FHIP1A: variants seen among roughly 807,000 people sequenced by gnomAD.
FHIP1A encodes the protein FHF complex subunit HOOK-interacting protein 1A.
FHIP1A carries 61 observed loss-of-function variants against 88.6 expected under a neutral mutation model. The ratio of observed to expected loss-of-function variants is 0.69; its 90% CI spans 0.56 to 0.85. The LOEUF (loss-of-function observed/expected upper bound fraction) is 0.85. Ranked by LOEUF, FHIP1A falls within the 40% of genes least tolerant of loss-of-function variation. FHIP1A has a pLI of 0.00. For missense variants in FHIP1A, 1,154 were observed against 1,273.5 expected (o/e 0.91, Z 1.43); for synonymous variants, 478 against 496.0 (o/e 0.96, Z 0.48).
intron 3 of FHIP1A, among the ~76,000 whole-genome samples, chr4:151,562,540 C>G (rs1302349763): frequency 6.6e-6 from 1 of 152,122 alleles, no homozygotes; most frequent in African/African-American, 2.4e-5. Context: ...TAAAAATGTT[C>G]CTCTGGCTCC....
chr4:151,577,045 T>TA (rs1733817004), intron 4 of FHIP1A: 1 of 158,208 alleles, frequency 6.3e-6, no homozygotes, highest in Admixed American at 6.5e-5. Context: ...TTTTTTTACA[T>TA]ACGTCTTTGA....
At chr4:151,523,542 G>C (rs1731520940) in intron 3 of FHIP1A, among the ~76,000 whole-genome samples, 1 of 152,096 alleles carries the variant, frequency 6.6e-6, no homozygotes, top group African/African-American at 2.4e-5. Flanking sequence ...GTTTTTAAAG[G>C]TAGGGGCTAT....
At position 151,598,437 on chromosome 4, in the gene FHIP1A, T is replaced by G. The variant is rs191339930; in HGVS notation, c.978+9511T>G. ...TGCAGAAATCACCCACCTTCTGCAT[T>G]GATCTTGCTGGGTGCTGCAGACTGG... On this transcript the variant is annotated intron_variant, in intron 7 of 13. Transcript: ENST00000435205. 1.1e-3 allele frequency among the ~76,000 whole-genome samples: 165 copies of G among 152,278 alleles called. 1 individual carries two copies. The highest frequency in any genetic ancestry group is 6.8e-3 in the Middle Eastern group (2 of 294).
intron 3 of FHIP1A, among the ~76,000 whole-genome samples, chr4:151,551,838 T>A (rs1034720434): frequency 6.6e-6 from 1 of 151,956 alleles, no homozygotes; most frequent in Non-Finnish European, 1.5e-5. Context: ...ACAAATGGGA[T>A]CTAATTAAAC....
At chr4:151,429,742 A>C (rs1179492024) in intron 1 of FHIP1A, among the ~76,000 whole-genome samples, 1 of 151,306 alleles carries the variant, frequency 6.6e-6, no homozygotes, top group Non-Finnish European at 1.5e-5. Flanking sequence ...CCAGCAGTTC[A>C]GGAGTCTGAG....
At chr4:151,659,743 C>T (rs1360463341) in intron 13 of FHIP1A, among the ~76,000 whole-genome samples, 3 of 152,222 alleles carry the variant, frequency 2.0e-5, no homozygotes, top group African/African-American at 7.2e-5. Flanking sequence ...AGAGCTGCTC[C>T]ATTATGCAGG....
rs1728912641 is a variant in FHIP1A, at chr4:151,454,787, G to A, written c.-269G>A. 6.6e-6 allele frequency: 1 copy of A among 152,082 alleles called. No homozygotes were observed. Among genetic ancestry groups the A allele is most frequent in the South Asian group, 2.1e-4 (1 of 4,822 alleles). 9.4% of individuals were successfully genotyped at this position (152,082 alleles called of 1,614,324 possible). On this transcript the variant is annotated 5_prime_UTR_variant, in exon 2 of 14. Transcript: ENST00000435205. ...AATGTTTCGTTATAACTGCCTGGAA[G>A]GTTAGCGTCAAAGAAGTTGAGGTAG... is the stretch of plus-strand genomic sequence containing the variant.
chr4:151,548,428 A>T (rs899646338), intron 3 of FHIP1A, among the ~76,000 whole-genome samples: 2 of 152,224 alleles, frequency 1.3e-5, no homozygotes, highest in Admixed American at 6.5e-5. Context: ...TCTAAGTCAC[A>T]GGATAAGATA....
intron 3 of FHIP1A, among the ~76,000 whole-genome samples, chr4:151,493,861 A>G (rs748566551): frequency 6.6e-6 from 1 of 152,226 alleles, no homozygotes; most frequent in Non-Finnish European, 1.5e-5. Flanking sequence ...ACCCACAGCC[A>G]ACATTATACT....
Position 151,650,266 on chromosome 4 carries a change from C to T in FHIP1A, c.2225C>T (p.Thr742Ile), listed in dbSNP as rs1453590172. The T allele has an allele frequency of 6.4e-7, 1 of 1,551,740 alleles. No individual in the cohort carries two copies. The highest frequency in any genetic ancestry group is 8.7e-7 in the Non-Finnish European group (1 of 1,147,000). The change falls in exon 11 of 14, where the codon ACA becomes ATA. Residue 742 changes from threonine to isoleucine, a missense_variant. Physicochemically the swap from Thr to Ile is moderately conservative, Grantham distance 89 (BLOSUM62 -1). Transcript: ENST00000435205. ...GAGGCAGAGCACAGCTCTAACCTGA[C>T]AGCCGCCCACCCGGAGAGCGAGGAG... ...APEAEHSSNL[T>I]AAHPESEELI...
intron 7 of FHIP1A, among the ~76,000 whole-genome samples, chr4:151,596,798 C>T (rs534501270): frequency 2.1e-4 from 32 of 152,236 alleles, no homozygotes; most frequent in African/African-American, 7.0e-4. Flanking sequence ...GATATCCTTT[C>T]TTCCACTTGA....
chr4:151,649,407 A>G, intron 10 of FHIP1A, 52 bp from the exon 11 acceptor site: 1 of 1,371,388 alleles, frequency 7.3e-7, no homozygotes, highest in Non-Finnish European at 1.0e-6. Context: ...CCCATCCACT[A>G]CCTTTGTCCC....
intron 1 of FHIP1A, among the ~76,000 whole-genome samples, chr4:151,453,464 A>G (rs766910726): frequency 2.0e-5 from 3 of 152,214 alleles, no homozygotes; most frequent in Non-Finnish European, 4.4e-5. Context: ...TAGGGATAAT[A>G]ATGGAGATAA....
At chr4:151,525,295 A>T (rs1731588926) in intron 3 of FHIP1A, among the ~76,000 whole-genome samples, 1 of 152,366 alleles carries the variant, frequency 6.6e-6, no homozygotes, top group African/African-American at 2.4e-5. Flanking sequence ...TGGCTAAACC[A>T]GGCTGCACTA....
At chr4:151,659,973 C>A (rs919456496) in intron 13 of FHIP1A, among the ~76,000 whole-genome samples, 2 of 152,240 alleles carry the variant, frequency 1.3e-5, no homozygotes, top group Admixed American at 6.5e-5. Context: ...CACAGAGTAA[C>A]AGTTCACTGT....
At chr4:151,409,951 A>G (rs1732544432) in intron 1 of FHIP1A, among the ~76,000 whole-genome samples, 1 of 152,136 alleles carries the variant, frequency 6.6e-6, no homozygotes. Flanking sequence ...CTGGTTAGGT[A>G]GCTGTTGCTC....
At chr4:151,443,726 T>G (rs2126565218) in intron 1 of FHIP1A, among the ~76,000 whole-genome samples, 1 of 147,970 alleles carries the variant, frequency 6.8e-6, no homozygotes, top group Admixed American at 6.8e-5. Context: ...TGTGTGTGTT[T>G]AGTACTGGGT....
chr4:151,569,518 C>T (rs1438001636), intron 4 of FHIP1A, among the ~76,000 whole-genome samples: 2 of 151,680 alleles, frequency 1.3e-5, no homozygotes, highest in African/African-American at 4.8e-5. Flanking sequence ...CGCCACTGCA[C>T]TCCAGCCTGG....
At chr4:151,651,865 T>C (rs1365157546) in intron 11 of FHIP1A, among the ~76,000 whole-genome samples, 4 of 152,212 alleles carry the variant, frequency 2.6e-5, no homozygotes, top group Admixed American at 6.5e-5. Context: ...CTAGTTGAGA[T>C]AACATTTCAG....
Sources: gnomAD v4.1 joint callset for allele counts (sites outside exome capture counted in the v4.1 genomes callset) on GRCh38, gnomAD v4.1.1 for gene constraint, MANE v1.5 for transcripts, NCBI Gene and HGNC (gene_info 2026-07-23, HGNC 2026-07-21) for gene names.